Variants in GRB14 observed in about 807,000 individuals in gnomAD.
GRB14 encodes the protein growth factor receptor-bound protein 14.
Under a neutral mutation model 69.1 loss-of-function variants are expected in GRB14, and 38 were observed. The ratio of observed to expected loss-of-function variants is 0.55; its 90% CI spans 0.42 to 0.72. The LOEUF is 0.72. GRB14 is among the 30% of genes least tolerant of loss of function. The pLI is 0.00. For synonymous variants in GRB14, 247 were observed against 241.3 expected (o/e 1.02, Z -0.22); for missense variants, 666 against 666.1 (o/e 1.00, Z 0.00).
In GRB14 at chr2:164,494,454, T is replaced by G. The variant is rs747917698; in HGVS notation, c.1453A>C (p.Ile485Leu). The G allele has an allele frequency of 1.3e-6, 2 of 1,593,850 alleles. No individual in the cohort carries two copies. Among genetic ancestry groups the G allele is most frequent in the East Asian group, 4.5e-5 (2 of 44,698 alleles). The change falls in exon 13 of 14, where the codon ATA becomes CTA. Residue 485 changes from isoleucine to leucine, a missense_variant. Physicochemically the swap from Ile to Leu is conservative, Grantham distance 5 (BLOSUM62 2). Coordinates refer to ENST00000263915, the MANE Select transcript of GRB14 (RefSeq NM_004490.3). ...ACTGGTATAATTTGAAAGTGCTTTA[T>G]TTTTTGTCCATGACTCATTGACAGT... ...FVLSMSHGQK[I>L]KHFQIIPVED...
intron 3 of GRB14, among the ~76,000 whole-genome samples, chr2:164,533,021 C>A (rs1203144994): frequency 6.6e-6 from 1 of 151,926 alleles, no homozygotes; most frequent in East Asian, 1.9e-4. Flanking sequence ...CCCAAGTGCC[C>A]AGGTTGAATG....
intron 6 of GRB14, among the ~76,000 whole-genome samples, chr2:164,510,083 G>A (rs887658943): frequency 2.0e-5 from 3 of 152,158 alleles, no homozygotes; most frequent in Non-Finnish European, 4.4e-5. Context: ...AGAAAGGTAA[G>A]CTTATTGCCC....
At chr2:164,560,209 T>A (rs1424047834) in intron 2 of GRB14, among the ~76,000 whole-genome samples, 1 of 152,198 alleles carries the variant, frequency 6.6e-6, no homozygotes, top group Non-Finnish European at 1.5e-5. Flanking sequence ...CTACATGACA[T>A]CTTGGATAAA....
chr2:164,619,831 G>A lies in GRB14; in HGVS notation c.192-12C>T. The A allele has an allele frequency of 1.3e-6, 2 of 1,592,926 alleles. No individual in the cohort carries two copies. The highest frequency in any genetic ancestry group is 1.7e-4 in the Middle Eastern group (1 of 6,016). Reference sequence around the variant, plus strand: ...CTTTCTTTTTTCTCCTACAGTAAGAGAACATAGGATGTAATTTACATAAAA... The same window carrying A: ...CTTTCTTTTTTCTCCTACAGTAAGAAAACATAGGATGTAATTTACATAAAA... On this transcript the variant is annotated splice_polypyrimidine_tract_variant and intron_variant, in intron 1 of 13. Coordinates refer to ENST00000263915, the MANE Select transcript of GRB14 (RefSeq NM_004490.3).
rs562164275 is a variant in GRB14 at position 164,547,570 on chromosome 2, A to T, written c.481+90T>A. On this transcript the variant is annotated intron_variant, in intron 3 of 13. Coordinates refer to ENST00000263915, the MANE Select transcript of GRB14 (RefSeq NM_004490.3). ...ACAAGATATAGAAAATTATCTCAAAACACCAAATCTAAGAATTATTGGTGT... is the reference window on the plus strand; with the variant it reads ...ACAAGATATAGAAAATTATCTCAAATCACCAAATCTAAGAATTATTGGTGT... 3.8e-6 allele frequency: 4 copies of T among 1,062,628 alleles called. No homozygotes were observed. The Admixed American group carries it at 7.2e-5, about 19-fold the overall frequency. The allele number at this position is 1,062,628 out of a possible 1,614,324, so 65.8% of individuals were successfully genotyped here. A position where few individuals can be genotyped will look rare whatever the true frequency, so the allele number is the denominator to read the frequency against.
At chr2:164,502,151 C>G (rs979736795) in intron 9 of GRB14, 104 bp downstream of exon 9, 2 of 597,080 alleles carry the variant, frequency 3.3e-6, no homozygotes, top group African/African-American at 1.8e-5. Context: ...ACTTTACCAA[C>G]AGAAAATAAC....
intron 3 of GRB14, among the ~76,000 whole-genome samples, chr2:164,543,841 C>T (rs940042041): frequency 1.3e-5 from 2 of 152,024 alleles, no homozygotes; most frequent in Non-Finnish European, 2.9e-5. Context: ...AAAACTAAAA[C>T]AAAAAACATT....
intron 10 of GRB14, 41 bp downstream of exon 10, chr2:164,497,333 T>C: frequency 6.2e-7 from 1 of 1,605,330 alleles, no homozygotes; most frequent in Non-Finnish European, 8.5e-7. Context: ...TGAAACAAAC[T>C]GAAATCATAA....
At chr2:164,518,115 A>G (rs1354245698) in intron 6 of GRB14, among the ~76,000 whole-genome samples, 1 of 152,222 alleles carries the variant, frequency 6.6e-6, no homozygotes, top group Admixed American at 6.5e-5. Context: ...ACCATATGAT[A>G]CGCCACAAAA....
At chr2:164,578,088 C>A (rs1195419864) in intron 2 of GRB14, among the ~76,000 whole-genome samples, 1 of 152,010 alleles carries the variant, frequency 6.6e-6, no homozygotes, top group Non-Finnish European at 1.5e-5. Flanking sequence ...CAAAAATGAG[C>A]TGGGCTTAGT....
chr2:164,522,514 A>G (rs974892759), intron 5 of GRB14, among the ~76,000 whole-genome samples: 3 of 152,156 alleles, frequency 2.0e-5, no homozygotes, highest in Non-Finnish European at 2.9e-5. Flanking sequence ...CTATTGCGTT[A>G]AGTCCTGATA....
Position 164,560,155 on chromosome 2 carries a change from C to A in GRB14, c.325-12339G>T, listed in dbSNP as rs1688784480. 1.3e-5 allele frequency among the ~76,000 whole-genome samples: 2 copies of A among 152,144 alleles called. 1 individual carries two copies. Among genetic ancestry groups the A allele is most frequent in the South Asian group, 4.1e-4 (2 of 4,822 alleles). Reference sequence around the variant, plus strand: ...GCTCCCACCTGATGCTGTATTCTTACCATTCTGTTCGTCCAGTATTTAGGC... The same window carrying A: ...GCTCCCACCTGATGCTGTATTCTTAACATTCTGTTCGTCCAGTATTTAGGC... On this transcript the variant is annotated intron_variant, in intron 2 of 13. Coordinates refer to ENST00000263915, the MANE Select transcript of GRB14 (RefSeq NM_004490.3).
intron 2 of GRB14, among the ~76,000 whole-genome samples, chr2:164,596,993 A>G (rs1337960211): frequency 6.6e-6 from 1 of 152,200 alleles, no homozygotes; most frequent in African/African-American, 2.4e-5. Context: ...ACTCTAAGGA[A>G]CGGAAGGATT....
At chr2:164,601,329 C>T (rs1689908072) in intron 2 of GRB14, among the ~76,000 whole-genome samples, 1 of 151,914 alleles carries the variant, frequency 6.6e-6, no homozygotes, top group Non-Finnish European at 1.5e-5. Flanking sequence ...ATACCGATAC[C>T]ATAAGAAAAA....
At chr2:164,618,256 G>A (rs886352421) in intron 2 of GRB14, among the ~76,000 whole-genome samples, 5 of 151,106 alleles carry the variant, frequency 3.3e-5, no homozygotes, top group African/African-American at 9.7e-5. Flanking sequence ...TTACAGGCGT[G>A]AGCCACCGCA....
intron 2 of GRB14, among the ~76,000 whole-genome samples, chr2:164,597,815 G>A (rs1420967996): frequency 6.6e-6 from 1 of 151,850 alleles, no homozygotes; most frequent in Non-Finnish European, 1.5e-5. Context: ...AGGAACATAG[G>A]GAAAAATGGA....
intron 2 of GRB14, among the ~76,000 whole-genome samples, chr2:164,592,448 C>G (rs1032334200): frequency 6.6e-6 from 1 of 152,094 alleles, no homozygotes; most frequent in African/African-American, 2.4e-5. Context: ...ATGGGTATGT[C>G]TTTATCAGCA....
rs201019261 is a variant in GRB14 at position 164,494,050 on chromosome 2, C to CA, written c.1476+380dup. Among the ~76,000 whole-genome samples, 185 of 151,402 alleles carry CA rather than the reference C, an allele frequency of 1.2e-3. 1 individual carries two copies. Among genetic ancestry groups the CA allele is most frequent in the African/African-American group, 3.6e-3 (150 of 41,272 alleles). The stretch of plus-strand genomic sequence containing the variant: ...CATAGCCATTAAAAACAAAACAAAA[C>CA]AAAAAAAACATTTTTGAGAGAAGAG... On this transcript the variant is annotated intron_variant, in intron 13 of 13. Coordinates refer to ENST00000263915, the MANE Select transcript of GRB14 (RefSeq NM_004490.3).
intron 2 of GRB14, among the ~76,000 whole-genome samples, chr2:164,549,809 A>T (rs920889001): frequency 2.0e-5 from 3 of 151,946 alleles, no homozygotes; most frequent in Non-Finnish European, 4.4e-5. Context: ...GGTTGCAGTG[A>T]GCCAGGATCG....
Sources: allele counts gnomAD v4.1 joint callset (sites outside exome capture counted in the v4.1 genomes callset), GRCh38; gene constraint gnomAD v4.1.1; transcripts MANE v1.5; gene names NCBI Gene and HGNC (gene_info 2026-07-23, HGNC 2026-07-21).